The following DNM3 variants were observed in gnomAD, a reference collection of about 807,000 sequenced individuals.
DNM3 encodes dynamin-3.
Under a neutral mutation model 101.6 loss-of-function variants are expected in DNM3, and 47 were observed. The ratio of observed to expected loss-of-function variants is 0.46; its 90% CI spans 0.37 to 0.59. The LOEUF is 0.59. DNM3 is among the 20% of genes least tolerant of loss of function. The probability of loss-of-function intolerance (pLI) is 0.00; values close to 1 mark genes in which losing one functional copy is unlikely to be tolerated. For synonymous variants in DNM3, 385 were observed against 387.9 expected (o/e 0.99, Z 0.09); for missense variants, 849 against 1,085.7 (o/e 0.78, Z 3.06).
chr1:172,041,514 G>A (rs1198067138), intron 7 of DNM3, among the ~76,000 whole-genome samples: 4 of 152,150 alleles, frequency 2.6e-5, no homozygotes, highest in East Asian at 1.9e-4. Context: ...AGGCTAAAGC[G>A]GAAGGTGTGG....
chr1:171,868,795 T>C (rs1313172758), intron 1 of DNM3, among the ~76,000 whole-genome samples: 1 of 152,210 alleles, frequency 6.6e-6, no homozygotes, highest in Non-Finnish European at 1.5e-5. Context: ...ATTTCTTTTT[T>C]TTTTTTGAGA....
rs1264397115 is a variant in DNM3, at chr1:171,898,625, C to T, written c.162-23123C>T. On this transcript the variant is annotated intron_variant, in intron 1 of 20. Transcript: ENST00000627582. The stretch of plus-strand genomic sequence containing the variant: ...TTGGAAATTAGCCACTTTTAACATT[C>T]GGTACAGATTTATCTTATGCTATAT... Among the ~76,000 whole-genome samples, 3 of 151,932 alleles carry T rather than the reference C, an allele frequency of 2.0e-5. No homozygotes were observed. The South Asian group carries it at 6.2e-4, about 32-fold the overall frequency.
chr1:172,088,123 T>A (rs1441688146), intron 12 of DNM3, among the ~76,000 whole-genome samples: 1 of 152,184 alleles, frequency 6.6e-6, no homozygotes, highest in East Asian at 1.9e-4. Context: ...TGCTAGGTAA[T>A]GTCAGTGATG....
At chr1:171,980,924 T>C (rs1241464572) in intron 2 of DNM3, among the ~76,000 whole-genome samples, 1 of 151,878 alleles carries the variant, frequency 6.6e-6, no homozygotes, top group East Asian at 1.9e-4. Context: ...GCACCTGCTA[T>C]CACACCTGGC....
intron 1 of DNM3, among the ~76,000 whole-genome samples, chr1:171,881,601 G>A (rs1249906096): frequency 6.6e-6 from 1 of 152,204 alleles, no homozygotes; most frequent in African/African-American, 2.4e-5. Flanking sequence ...GGGTCAGGGA[G>A]CTGGAGAGTC....
At chr1:171,873,721 A>C (rs2035505918) in intron 1 of DNM3, among the ~76,000 whole-genome samples, 1 of 152,216 alleles carries the variant, frequency 6.6e-6, no homozygotes, top group Non-Finnish European at 1.5e-5. Context: ...ATTAGACTTA[A>C]ACCATACGAA....
chr1:171,877,442 GTC>G (rs1429353622), intron 1 of DNM3, among the ~76,000 whole-genome samples: 1 of 152,118 alleles, frequency 6.6e-6, no homozygotes, highest in Non-Finnish European at 1.5e-5. Context: ...ATTCATTTTA[GTC>G]TCTTCTCCAC....
intron 17 of DNM3, among the ~76,000 whole-genome samples, chr1:172,358,051 C>T (rs562941007): frequency 6.6e-6 from 1 of 152,162 alleles, no homozygotes; most frequent in African/African-American, 2.4e-5. Context: ...CCTCCCACTC[C>T]TCTCCTTCTT....
At chr1:171,917,442 G>A (rs2039804869) in intron 1 of DNM3, among the ~76,000 whole-genome samples, 1 of 152,186 alleles carries the variant, frequency 6.6e-6, no homozygotes, top group South Asian at 2.1e-4. Context: ...AAACTATAGT[G>A]TGGGAATTGT....
At chr1:172,190,715 G>T (rs1231891947) in intron 14 of DNM3, among the ~76,000 whole-genome samples, 1 of 152,100 alleles carries the variant, frequency 6.6e-6, no homozygotes, top group African/African-American at 2.4e-5. Context: ...ATTCTAACTG[G>T]TGTGAGATGG....
intron 15 of DNM3, among the ~76,000 whole-genome samples, chr1:172,277,249 C>T (rs527460609): frequency 6.6e-6 from 1 of 152,122 alleles, no homozygotes; most frequent in Admixed American, 6.6e-5. Context: ...CCAGCCTTAA[C>T]GTTTGTATAA....
At chr1:172,125,214 G>A (rs2056556178) in intron 13 of DNM3, among the ~76,000 whole-genome samples, 1 of 151,980 alleles carries the variant, frequency 6.6e-6, no homozygotes, top group African/African-American at 2.4e-5. Context: ...CTAGGCTGCA[G>A]CAGTTAAAAA....
intron 14 of DNM3, among the ~76,000 whole-genome samples, chr1:172,173,244 T>C (rs1178669198): frequency 6.6e-6 from 1 of 151,562 alleles, no homozygotes; most frequent in Non-Finnish European, 1.5e-5. Context: ...GTAATAGAAT[T>C]GATGAGCAGT....
At chr1:171,933,020 A>T (rs940048247) in intron 2 of DNM3, among the ~76,000 whole-genome samples, 1 of 151,942 alleles carries the variant, frequency 6.6e-6, no homozygotes, top group Non-Finnish European at 1.5e-5. Flanking sequence ...ATCAGTGAGG[A>T]TCATAGCACA....
chr1:172,088,529 C>T (rs909805918), intron 12 of DNM3, among the ~76,000 whole-genome samples: 16 of 152,110 alleles, frequency 1.1e-4, no homozygotes, highest in African/African-American at 3.6e-4. Flanking sequence ...CCCCAACGTA[C>T]AGTTATTATA....
chr1:172,368,541 A>T (rs962847503), intron 17 of DNM3, among the ~76,000 whole-genome samples: 2 of 151,954 alleles, frequency 1.3e-5, no homozygotes, highest in Non-Finnish European at 2.9e-5. Flanking sequence ...TTTCAAATAA[A>T]CAACTTAATG....
chr1:172,249,065 C>A (rs1053252072), intron 14 of DNM3, among the ~76,000 whole-genome samples: 2 of 152,122 alleles, frequency 1.3e-5, no homozygotes, highest in African/African-American at 4.8e-5. Context: ...TAAATTGCCA[C>A]GTGAATAAAG....
chr1:172,049,598 G>GA (rs762075070), intron 10 of DNM3, among the ~76,000 whole-genome samples: 9 of 152,120 alleles, frequency 5.9e-5, no homozygotes, highest in Non-Finnish European at 1.3e-4. Context: ...ATCTTGTATT[G>GA]AAAAACACAA....
intron 15 of DNM3, among the ~76,000 whole-genome samples, chr1:172,275,207 T>G (rs2063235234): frequency 6.6e-6 from 1 of 151,982 alleles, no homozygotes; most frequent in Non-Finnish European, 1.5e-5. Flanking sequence ...TTAGAACACA[T>G]GGTCCAGATA....
Sources: allele counts gnomAD v4.1 joint callset (sites outside exome capture counted in the v4.1 genomes callset), GRCh38; gene constraint gnomAD v4.1.1; transcripts MANE v1.5; gene names NCBI Gene and HGNC (gene_info 2026-07-23, HGNC 2026-07-21).